The following RBM14 variants were observed in gnomAD, a reference collection of about 807,000 sequenced individuals.
The protein encoded by RBM14 is RNA-binding protein 14.
Under a neutral mutation model 52.8 loss-of-function variants are expected in RBM14, and 5 were observed. That is an observed-to-expected ratio of 0.09 (90% CI 0.05 to 0.20). The LOEUF is 0.20. Ranked by LOEUF, RBM14 falls within the 10% of genes least tolerant of loss-of-function variation. The probability of loss-of-function intolerance (pLI) is 1.00; values close to 1 mark genes in which losing one functional copy is unlikely to be tolerated. For synonymous variants in RBM14, 411 were observed against 401.8 expected, an observed-to-expected ratio of 1.02 and a Z score of -0.28; for missense variants, 780 against 926.6, an observed-to-expected ratio of 0.84 and a Z score of 2.05.
In RBM14 at chr11:66,626,428, C is replaced by G. The variant is rs557584630; in HGVS notation, c.1803-33C>G. 2.7e-5 allele frequency: 43 copies of G among 1,585,054 alleles called. No individual in the cohort carries two copies. In the East Asian group the frequency reaches 8.9e-4, roughly 33 times the overall value. On this transcript the variant is annotated intron_variant, in intron 2 of 2. Coordinates refer to ENST00000310137, the MANE Select transcript of RBM14 (RefSeq NM_006328.4). ...CACCTGGAGTCCTCCCCTCAATTGT[C>G]TCATTCACCAACTGTCTTCTTCTCT...
chr11:66,626,699 G>A lies in RBM14; in HGVS notation c.*31G>A, dbSNP rs1436393095. 1 of 1,557,372 alleles carries A rather than the reference G, an allele frequency of 6.4e-7. No individual in the cohort carries two copies. Among genetic ancestry groups the A allele is most frequent in the Admixed American group, 1.8e-5 (1 of 55,044 alleles). On this transcript the variant is annotated 3_prime_UTR_variant, in exon 3 of 3. Coordinates refer to ENST00000310137, the MANE Select transcript of RBM14 (RefSeq NM_006328.4). ...TCCTGGGATGGGGCACCACAGGGAG[G>A]GAGGGAGAAAAGAGGTGGGTAGGGT...
chr11:66,623,207 T>C (rs1859195597), intron 1 of RBM14, among the ~76,000 whole-genome samples: 2 of 152,138 alleles, frequency 1.3e-5, no homozygotes, highest in Non-Finnish European at 2.9e-5. Context: ...GTCTGCTCTG[T>C]GAACAGAAGC....
chr11:66,624,419 C>T lies in RBM14; in HGVS notation c.543C>T (p.Phe181=), dbSNP rs532619021. ...CGGCCTTCCCTGGAACTGGTGGCTTCTCTGCCACCTTCGACTACCAGCAGG... is the reference window on the plus strand; with the variant it reads ...CGGCCTTCCCTGGAACTGGTGGCTTTTCTGCCACCTTCGACTACCAGCAGG... ...GDTAFPGTGG[F]SATFDYQQAF... The change falls in exon 2 of 3, where the codon TTC becomes TTT. Residue 181 remains phenylalanine (F), a synonymous_variant. Transcript: ENST00000310137. This position sits in a 1 kb window ranked among gnomAD's most constrained non-coding sequence, Gnocchi z 4.7. 3.7e-6 allele frequency: 6 copies of T among 1,614,146 alleles called. No individual in the cohort carries two copies. The East Asian group carries it at 1.3e-4, about 36-fold the overall frequency.
intron 1 of RBM14, among the ~76,000 whole-genome samples, chr11:66,623,257 CAGT>C (rs1415948097): frequency 6.6e-6 from 1 of 152,206 alleles, no homozygotes; most frequent in Non-Finnish European, 1.5e-5. Flanking sequence ...AAAGAGGAAA[CAGT>C]GGAGGATGCA....
rs759898455 is a variant in RBM14 at position 66,625,331 on chromosome 11, C to T, written c.1455C>T (p.Ser485=). The T allele has an allele frequency of 6.2e-7, 1 of 1,610,250 alleles. No homozygotes were observed. The highest frequency in any genetic ancestry group is 1.3e-5 in the African/African-American group (1 of 74,658). Residue 485 remains serine, a synonymous_variant, in exon 2 of 3, where the codon TCC becomes TCT. Transcript: ENST00000310137. The surrounding 1 kb of genome is among the most constrained non-coding windows in gnomAD (Gnocchi z 4.2). ...GAQASMGLSG[S]YGAQSAAAAT... ...AAGCATCAATGGGCCTTTCAGGCTCCTATGGGGCTCAGTCGGCTGCTGCGG... is the reference window on the plus strand; with the variant it reads ...AAGCATCAATGGGCCTTTCAGGCTCTTATGGGGCTCAGTCGGCTGCTGCGG...
chr11:66,617,127 C>T (rs1394166908), intron 1 of RBM14, 70 bp downstream of exon 1: 3 of 1,515,330 alleles, frequency 2.0e-6, no homozygotes, highest in African/African-American at 1.4e-5. Flanking sequence ...CGCCCCTTAC[C>T]CGGGGGTCGG....
rs997072024 is a variant in RBM14 at position 66,625,199 on chromosome 11, C to T, written c.1323C>T (p.Ala441=). ...AYVAQPATAA[A]YASQPAAYAA... ...TGGCACAGCCAGCCACAGCTGCTGC[C>T]TATGCCAGCCAGCCAGCAGCCTACG... The change falls in exon 2 of 3, where the codon GCC becomes GCT. Residue 441 remains alanine (A), a synonymous_variant. Transcript: ENST00000310137. The surrounding 1 kb of genome is among the most constrained non-coding windows in gnomAD (Gnocchi z 4.2). 6 of 1,611,912 alleles carry T rather than the reference C, an allele frequency of 3.7e-6. No individual in the cohort carries two copies. The highest frequency in any genetic ancestry group is 4.2e-6 in the Non-Finnish European group (5 of 1,179,980).
rs1198011257 is a variant in RBM14 at position 66,628,922 on chromosome 11, C to T, written c.*2254C>T. ...AGTGGTGATGTTCTGTGTTGCAGCCCCAGCTCTTGAAAGTGACCTGGCCCA... is the reference window on the plus strand; with the variant it reads ...AGTGGTGATGTTCTGTGTTGCAGCCTCAGCTCTTGAAAGTGACCTGGCCCA... On this transcript the variant is annotated 3_prime_UTR_variant, in exon 3 of 3. Coordinates refer to ENST00000310137, the MANE Select transcript of RBM14 (RefSeq NM_006328.4). 6.6e-6 allele frequency among the ~76,000 whole-genome samples: 1 copy of T among 152,140 alleles called. No homozygotes were observed. The highest frequency in any genetic ancestry group is 1.5e-5 in the Non-Finnish European group (1 of 68,030).
Position 66,625,224 on chromosome 11 carries a change from G to A in RBM14, c.1348G>A (p.Ala450Thr), listed in dbSNP as rs1451878075. Residue 450 changes from alanine to threonine, a missense_variant, in exon 2 of 3, where the codon GCC (alanine) becomes ACC (threonine). This residue lies in a region of RBM14 where 675 missense variants were observed against 697.3 expected (regional missense o/e 0.97). Transcript: ENST00000310137. This position sits in a 1 kb window ranked among gnomAD's most constrained non-coding sequence, Gnocchi z 4.2. ...CTATGCCAGCCAGCCAGCAGCCTAC[G>A]CCGCACAAGCCACTACCCCAATGGC... ...AAYASQPAAY[A>T]AQATTPMAGS... 8 of 1,610,610 alleles carry A rather than the reference G, an allele frequency of 5.0e-6. No individual in the cohort carries two copies. The highest frequency in any genetic ancestry group is 1.6e-4 in the Middle Eastern group (1 of 6,082).
rs1457542853 is a variant in RBM14, at chr11:66,628,558, C to G, written c.*1890C>G. ...GGAGTACTGGGGCCATGGCTCTTTC[C>G]CTTGCTTCTCTTTCTGCTCACTGCT... is the stretch of plus-strand genomic sequence containing the variant. On this transcript the variant is annotated 3_prime_UTR_variant, in exon 3 of 3. Coordinates refer to ENST00000310137, the MANE Select transcript of RBM14 (RefSeq NM_006328.4). Among the ~76,000 whole-genome samples, 1 of 152,028 alleles carries G rather than the reference C, an allele frequency of 6.6e-6. No individual in the cohort carries two copies. The highest frequency in any genetic ancestry group is 1.5e-5 in the Non-Finnish European group (1 of 68,022).
intron 1 of RBM14, among the ~76,000 whole-genome samples, chr11:66,623,021 C>T (rs545687714): frequency 2.6e-4 from 39 of 152,280 alleles, no homozygotes; most frequent in South Asian, 1.0e-3. Flanking sequence ...CTGAAGTTTT[C>T]TCCTTCTGTG....
intron 1 of RBM14, 60 bp downstream of exon 1, chr11:66,617,117 C>A: frequency 6.6e-7 from 1 of 1,522,666 alleles, no homozygotes; most frequent in Non-Finnish European, 8.8e-7. Flanking sequence ...CTGTTAGCCA[C>A]GCCCCTTACC....
intron 1 of RBM14, chr11:66,617,291 G>C: frequency 7.4e-7 from 1 of 1,344,098 alleles, no homozygotes; most frequent in South Asian, 2.0e-5. Context: ...GCCACTGCGA[G>C]CCAAGCTACG....
At position 66,626,383 on chromosome 11, in the gene RBM14, A is replaced by T. The variant is rs1937805270; in HGVS notation, c.1803-78A>T. On this transcript the variant is annotated intron_variant, in intron 2 of 2. Coordinates refer to ENST00000310137, the MANE Select transcript of RBM14 (RefSeq NM_006328.4). The stretch of plus-strand genomic sequence containing the variant: ...CTGTGATCACACCCTCCCTGTCCCC[A>T]TTGGCATCTCCCCAATGCCCACCTG... The T allele has an allele frequency of 4.4e-6, 6 of 1,373,340 alleles. No homozygotes were observed. The Admixed American group carries it at 1.0e-4, about 23-fold the overall frequency. 85.1% of individuals were successfully genotyped at this position (1,373,340 alleles called of 1,614,324 possible). A position where few individuals can be genotyped will look rare whatever the true frequency, so the allele number is the denominator to read the frequency against.
At position 66,625,874 on chromosome 11, in the gene RBM14, C is replaced by T. The variant is rs926863655; in HGVS notation, c.1802+196C>T. 3.4e-6 allele frequency: 2 copies of T among 584,782 alleles called. No individual in the cohort carries two copies. The highest frequency in any genetic ancestry group is 2.8e-5 in the East Asian group (1 of 35,314). 36.2% of individuals were successfully genotyped at this position (584,782 alleles called of 1,614,324 possible). A position where few individuals can be genotyped will look rare whatever the true frequency, so the allele number is the denominator to read the frequency against. On this transcript the variant is annotated intron_variant, in intron 2 of 2. Transcript: ENST00000310137. This position sits in a 1 kb window ranked among gnomAD's most constrained non-coding sequence, Gnocchi z 4.2. Reference sequence around the variant, plus strand: ...CAGGGTTCAGGTGGAGCATAGTGCTCAGCCTGGGGTGGTACCTGCTAGTCA... The same window carrying T: ...CAGGGTTCAGGTGGAGCATAGTGCTTAGCCTGGGGTGGTACCTGCTAGTCA...
In RBM14 at chr11:66,624,847, C is replaced by G. The variant is rs1250901412; in HGVS notation, c.971C>G (p.Ala324Gly). The G allele has an allele frequency of 6.2e-6, 10 of 1,613,866 alleles. No homozygotes were observed. The highest frequency in any genetic ancestry group is 8.5e-6 in the Non-Finnish European group (10 of 1,179,962). The part of the protein sequence containing the change: ...ALSSYGGQAA[A>G]ASSLNSYGAQ... ...TCCTCCTATGGGGGTCAGGCAGCTG[C>G]AGCTTCTTCGCTCAACTCCTATGGG... is the stretch of plus-strand genomic sequence containing the variant. Residue 324 changes from alanine (A) to glycine (G), a missense_variant, in exon 2 of 3, where the codon GCA becomes GGA. Transcript: ENST00000310137. This position sits in a 1 kb window ranked among gnomAD's most constrained non-coding sequence, Gnocchi z 4.7.
chr11:66,625,850 A>G lies in RBM14; in HGVS notation c.1802+172A>G, dbSNP rs1336786730. The G allele has an allele frequency of 3.3e-6, 2 of 612,188 alleles. No individual in the cohort carries two copies. Among genetic ancestry groups the G allele is most frequent in the Non-Finnish European group, 5.6e-6 (2 of 355,426 alleles). The allele number at this position is 612,188 out of a possible 1,614,324, so 37.9% of individuals were successfully genotyped here. ...GTGTCTATGAACTTTCCTGGTCACC[A>G]GGGTTCAGGTGGAGCATAGTGCTCA... On this transcript the variant is annotated intron_variant, in intron 2 of 2. Transcript: ENST00000310137. The surrounding 1 kb of genome is among the most constrained non-coding windows in gnomAD (Gnocchi z 4.2).
In RBM14 at chr11:66,626,641, G is replaced by A; in HGVS notation, c.1983G>A (p.Met661Ile). ...SYNDYLRAAQ[M>I]HSGYQRRM ...ATGATTACCTGCGGGCGGCTCAGAT[G>A]CACTCTGGCTACCAGCGCCGCATGT... The change falls in exon 3 of 3, where the codon ATG (methionine) becomes ATA (isoleucine). Residue 661 changes from methionine to isoleucine, a missense_variant. Transcript: ENST00000310137. 6.2e-7 allele frequency: 1 copy of A among 1,610,790 alleles called. No homozygotes were observed. The highest frequency in any genetic ancestry group is 8.5e-7 in the Non-Finnish European group (1 of 1,179,102).
Position 66,627,146 on chromosome 11 carries a change from C to CAA in RBM14, c.*478_*479insAA, listed in dbSNP as rs1937855409. 6.5e-6 allele frequency: 1 copy of CAA among 154,984 alleles called. No homozygotes were observed. Among genetic ancestry groups the CAA allele is most frequent in the Non-Finnish European group, 1.4e-5 (1 of 70,034 alleles). 9.6% of individuals were successfully genotyped at this position (154,984 alleles called of 1,614,324 possible). On this transcript the variant is annotated 3_prime_UTR_variant, in exon 3 of 3. Transcript: ENST00000310137. ...GGTACCCTGACTGTCCCTCTGTAGA[C>CAA]TGTTGAGACTGAGTTCCTGTTGGGA...
Sources: gnomAD v4.1 joint callset for allele counts (sites outside exome capture counted in the v4.1 genomes callset) on GRCh38, gnomAD v4.1.1 for gene constraint, gnomAD v4.1.1 regional missense constraint, Gnocchi (gnomAD v3.1) non-coding constraint, MANE v1.5 for transcripts, NCBI Gene and HGNC (gene_info 2026-07-23, HGNC 2026-07-21) for gene names.